Variants in SPG11 observed in about 807,000 individuals in gnomAD.
SPG11 encodes SPG11 vesicle trafficking associated, spatacsin.
SPG11 carries 222 observed loss-of-function variants against 274.0 expected under a neutral mutation model. That is an observed-to-expected ratio of 0.81 (90% CI 0.73 to 0.91). The LOEUF (loss-of-function observed/expected upper bound fraction) is 0.91. SPG11 is among the 40% of genes least tolerant of loss of function. SPG11 has a pLI of 0.00. For missense variants in SPG11, 3,114 were observed against 2,872.7 expected (o/e 1.08, Z -1.92); for synonymous variants, 1,144 against 1,039.7 (o/e 1.10, Z -1.93).
chr15:44,613,280 C>T (rs1022453992), intron 17 of SPG11, 150 bp downstream of exon 17: 10 of 640,804 alleles, frequency 1.6e-5, no homozygotes, highest in African/African-American at 3.7e-5. Context: ...CTTCCTTCTG[C>T]TTCTTACCTC....
intron 10 of SPG11, among the ~76,000 whole-genome samples, chr15:44,628,005 CATCTT>C (rs2083952855): frequency 6.6e-6 from 1 of 152,174 alleles, no homozygotes; most frequent in Admixed American, 6.5e-5. Context: ...GCAGCATCTC[CATCTT>C]ATCACTTTAA....
intron 21 of SPG11, among the ~76,000 whole-genome samples, chr15:44,599,201 G>A (rs573103657): frequency 3.9e-5 from 6 of 152,250 alleles, no homozygotes; most frequent in Admixed American, 2.0e-4. Context: ...CCACTTAAAT[G>A]TAAGTTTGAC....
chr15:44,580,550 G>A (rs1012705962), intron 30 of SPG11, among the ~76,000 whole-genome samples: 3 of 152,192 alleles, frequency 2.0e-5, no homozygotes, highest in South Asian at 2.1e-4. Context: ...AGGCCGACGC[G>A]GGCAGATCAC....
intron 20 of SPG11, among the ~76,000 whole-genome samples, chr15:44,604,641 T>C (rs186315768): frequency 2.6e-5 from 4 of 152,130 alleles, no homozygotes; most frequent in African/African-American, 9.6e-5. Flanking sequence ...TTTATAAATA[T>C]GTATTGGTTG....
At chr15:44,633,954 C>T (rs1190003950) in intron 7 of SPG11, among the ~76,000 whole-genome samples, 2 of 151,930 alleles carry the variant, frequency 1.3e-5, no homozygotes, top group African/African-American at 4.8e-5. Context: ...TTCTCCTGCC[C>T]CAGCCTCCCA....
chr15:44,650,150 G>A (rs1055643765), intron 6 of SPG11, among the ~76,000 whole-genome samples: 1 of 152,144 alleles, frequency 6.6e-6, no homozygotes, highest in African/African-American at 2.4e-5. Context: ...ATGCATATCT[G>A]AAATATCAAA....
chr15:44,631,507 G>A (rs1266111993), intron 8 of SPG11, among the ~76,000 whole-genome samples: 1 of 152,214 alleles, frequency 6.6e-6, no homozygotes, highest in African/African-American at 2.4e-5. Flanking sequence ...GAGCTGAGCA[G>A]AAGGGGTTGG....
At chr15:44,622,422 CAAAT>C (rs1178636470) in intron 12 of SPG11, 75 bp from the exon 13 acceptor site, 1 of 1,206,738 alleles carries the variant, frequency 8.3e-7, no homozygotes, top group African/African-American at 1.5e-5. Flanking sequence ...ATGAGATTAT[CAAAT>C]AAGGTAGTGC....
At chr15:44,623,830 A>G (rs2083821840) in intron 11 of SPG11, among the ~76,000 whole-genome samples, 1 of 151,908 alleles carries the variant, frequency 6.6e-6, no homozygotes, top group Non-Finnish European at 1.5e-5. Context: ...GTGTGATCTC[A>G]GGTCACTGCA....
intron 18 of SPG11, 100 bp downstream of exon 18, chr15:44,610,740 T>A (rs1418933306): frequency 1.7e-6 from 2 of 1,188,940 alleles, no homozygotes; most frequent in East Asian, 2.5e-5. Context: ...AATACTTGAA[T>A]ATAGTTATAT....
chr15:44,571,659 G>A (rs1391010255), intron 33 of SPG11, among the ~76,000 whole-genome samples: 2 of 151,054 alleles, frequency 1.3e-5, no homozygotes, highest in African/African-American at 4.9e-5. Context: ...AACCATGCCC[G>A]GCTAATTTTT....
chr15:44,569,401 A>C lies in SPG11; in HGVS notation c.6582T>G (p.Asp2194Glu). The C allele has an allele frequency of 6.3e-7, 1 of 1,599,174 alleles. No homozygotes were observed. The highest frequency in any genetic ancestry group is 8.5e-7 in the Non-Finnish European group (1 of 1,171,290). Residue 2194 changes from aspartate (D) to glutamate (E), a missense_variant, in exon 35 of 40, where the codon GAT becomes GAG. Physicochemically the swap from Asp to Glu is conservative, Grantham distance 45 (BLOSUM62 2). Coordinates refer to ENST00000261866, the MANE Select transcript of SPG11 (RefSeq NM_025137.4). ...GAGCTCATTACTTTGCACCTACCGG[A>C]TCCAACTTCTTCCTCATTAGCACTT... ...YFEVLMRKKLDPSGTLKTALL... is the reference protein window; with the variant it reads ...YFEVLMRKKLEPSGTLKTALL...
At chr15:44,572,338 A>C (rs997933090) in intron 33 of SPG11, 3 of 337,276 alleles carry the variant, frequency 8.9e-6, no homozygotes, top group African/African-American at 4.3e-5. Context: ...ACTGGGTTCA[A>C]ATACCAGCTC....
intron 28 of SPG11, among the ~76,000 whole-genome samples, chr15:44,588,368 T>C (rs892533180): frequency 6.6e-6 from 1 of 151,360 alleles, no homozygotes; most frequent in Non-Finnish European, 1.5e-5. Context: ...ATTTCTGAAA[T>C]AGGGTTTGTG....
At chr15:44,616,190 T>A in intron 15 of SPG11, among the ~76,000 whole-genome samples, 1 of 151,714 alleles carries the variant, frequency 6.6e-6, no homozygotes, top group South Asian at 2.1e-4. Flanking sequence ...TTGACTTTTA[T>A]GATAATCATT....
intron 7 of SPG11, among the ~76,000 whole-genome samples, chr15:44,636,522 C>T (rs1407006079): frequency 3.3e-5 from 5 of 151,630 alleles, no homozygotes; most frequent in African/African-American, 4.8e-5. Context: ...ATTAGCCGGG[C>T]GTGGTGGCGG....
At chr15:44,568,819 A>G (rs1427800326) in intron 35 of SPG11, among the ~76,000 whole-genome samples, 1 of 152,176 alleles carries the variant, frequency 6.6e-6, no homozygotes, top group Non-Finnish European at 1.5e-5. Context: ...GAAGGCATTT[A>G]AGACAGTAGA....
chr15:44,585,084 A>G (rs1254913372), intron 29 of SPG11, among the ~76,000 whole-genome samples: 1 of 152,162 alleles, frequency 6.6e-6, no homozygotes, highest in African/African-American at 2.4e-5. Context: ...ATTTAATTCT[A>G]TTCAAAGGAA....
intron 30 of SPG11, among the ~76,000 whole-genome samples, chr15:44,576,618 C>T (rs935346404): frequency 6.6e-6 from 1 of 151,166 alleles, no homozygotes; most frequent in Admixed American, 6.6e-5. Context: ...CACTGCACTC[C>T]AGCCTGGGCG....
Sources: allele counts gnomAD v4.1 joint callset (sites outside exome capture counted in the v4.1 genomes callset), GRCh38; gene constraint gnomAD v4.1.1; transcripts MANE v1.5; gene names NCBI Gene and HGNC (gene_info 2026-07-23, HGNC 2026-07-21).